Variants in CACHD1 observed in about 807,000 individuals in gnomAD.
CACHD1 encodes the protein cache domain containing 1.
CACHD1 carries 71 observed loss-of-function variants against 138.7 expected under a neutral mutation model. The observed-to-expected ratio is 0.51, with a 90% CI of 0.42 to 0.62. CACHD1 has a LOEUF of 0.62. Ranked by LOEUF, CACHD1 falls within the 20% of genes least tolerant of loss-of-function variation. CACHD1 has a pLI of 0.00. For synonymous variants in CACHD1, 578 were observed against 591.5 expected (o/e 0.98, Z 0.33); for missense variants, 1,389 against 1,625.3 (o/e 0.85, Z 2.50).
At chr1:64,647,410 T>G (rs1303160438) in intron 8 of CACHD1, among the ~76,000 whole-genome samples, 1 of 152,220 alleles carries the variant, frequency 6.6e-6, no homozygotes, top group African/African-American at 2.4e-5. Flanking sequence ...CTCTTACAGT[T>G]TCATCTACTA....
chr1:64,524,896 T>A (rs1646525249), intron 1 of CACHD1, among the ~76,000 whole-genome samples: 1 of 152,116 alleles, frequency 6.6e-6, no homozygotes, highest in Non-Finnish European at 1.5e-5. Context: ...CACTCCCATG[T>A]ATGAGAGACT....
chr1:64,685,139 A>T (rs1290230688), intron 26 of CACHD1, among the ~76,000 whole-genome samples: 1 of 152,080 alleles, frequency 6.6e-6, no homozygotes, highest in Admixed American at 6.6e-5. Context: ...AATCTTTTAT[A>T]CGGTATTTTT....
intron 1 of CACHD1, among the ~76,000 whole-genome samples, chr1:64,493,911 T>G (rs750987109): frequency 1.3e-5 from 2 of 152,194 alleles, no homozygotes; most frequent in Non-Finnish European, 2.9e-5. Context: ...AAGAATGCTT[T>G]GTGGAAGGGA....
chr1:64,477,323 T>A (rs1646179580), intron 1 of CACHD1, among the ~76,000 whole-genome samples: 1 of 152,230 alleles, frequency 6.6e-6, no homozygotes, highest in Non-Finnish European at 1.5e-5. Flanking sequence ...GTCAATCCTC[T>A]GCCCCCAGGT....
chr1:64,682,030 G>A lies in CACHD1; in HGVS notation c.3510G>A (p.Ala1170=), dbSNP rs539323878. ...GIISNTRFIA[A]VIERHAHSPE... ...TCAGCAACACTCGGTTTATAGCTGC[G>A]GTCATCGAACGACATGCACACAGTC... The change falls in exon 26 of 27, where the codon GCG becomes GCA. Residue 1170 remains alanine (A), a synonymous_variant. Transcript: ENST00000651257. 1.4e-5 allele frequency: 22 copies of A among 1,614,008 alleles called. No individual in the cohort carries two copies. The highest frequency in any genetic ancestry group is 8.0e-5 in the African/African-American group (6 of 74,986).
intron 1 of CACHD1, among the ~76,000 whole-genome samples, chr1:64,542,988 AACACAC>A (rs111903627): frequency 1.4e-4 from 21 of 147,964 alleles, no homozygotes; most frequent in African/African-American, 3.9e-4. Context: ...CACACACATC[AACACAC>A]ACACACACAC....
At chr1:64,576,352 T>C (rs1646967052) in intron 2 of CACHD1, among the ~76,000 whole-genome samples, 1 of 152,204 alleles carries the variant, frequency 6.6e-6, no homozygotes, top group Non-Finnish European at 1.5e-5. Flanking sequence ...AGGGTCTACA[T>C]TGGCCCTTCG....
At chr1:64,553,397 C>T (rs535143486) in intron 2 of CACHD1, among the ~76,000 whole-genome samples, 24 of 152,178 alleles carry the variant, frequency 1.6e-4, no homozygotes, top group South Asian at 6.2e-4. Context: ...ATGTTTACCT[C>T]GTATGTTTCC....
At chr1:64,498,303 C>T (rs1322204752) in intron 1 of CACHD1, among the ~76,000 whole-genome samples, 8 of 152,202 alleles carry the variant, frequency 5.3e-5, no homozygotes, top group Non-Finnish European at 7.3e-5. Flanking sequence ...AAATACAGTG[C>T]GTGCTCCAGC....
chr1:64,627,475 A>G lies in CACHD1; in HGVS notation c.518-1880A>G, dbSNP rs563369089. Reference sequence around the variant, plus strand: ...TGCTAATATAACAAACCTTCAGAACAGGACAGTCACTGTTCTGAGTGCCAA... The same window carrying G: ...TGCTAATATAACAAACCTTCAGAACGGGACAGTCACTGTTCTGAGTGCCAA... On this transcript the variant is annotated intron_variant, in intron 4 of 26. Coordinates refer to ENST00000651257, the MANE Select transcript of CACHD1 (RefSeq NM_020925.4). Among the ~76,000 whole-genome samples, 4 of 152,256 alleles carry G rather than the reference A, an allele frequency of 2.6e-5. No individual in the cohort carries two copies. In the East Asian group the frequency reaches 7.7e-4, roughly 29 times the overall value.
intron 1 of CACHD1, among the ~76,000 whole-genome samples, chr1:64,508,523 C>T (rs305577): frequency 0.87 from 131,796 of 152,176 alleles, 57,995 homozygotes; most frequent in East Asian, 0.97. Context: ...TTTCCGCATG[C>T]GTAAAATGGG....
chr1:64,649,530 A>G (rs1230557329), intron 9 of CACHD1, among the ~76,000 whole-genome samples: 3 of 152,212 alleles, frequency 2.0e-5, no homozygotes, highest in African/African-American at 4.8e-5. Context: ...TGTGCCAGGC[A>G]GTGATGAGTG....
intron 8 of CACHD1, among the ~76,000 whole-genome samples, chr1:64,642,506 A>G (rs1007751373): frequency 3.9e-5 from 6 of 152,200 alleles, no homozygotes; most frequent in Non-Finnish European, 8.8e-5. Context: ...ACAGTAAACA[A>G]CTTATTAAAA....
chr1:64,679,383 C>A (rs1160784361), intron 23 of CACHD1, among the ~76,000 whole-genome samples: 1 of 152,224 alleles, frequency 6.6e-6, no homozygotes, highest in East Asian at 1.9e-4. Context: ...CCTGCTCTGC[C>A]TAGCAACCAA....
chr1:64,502,531 TG>T (rs1316589400), intron 1 of CACHD1, among the ~76,000 whole-genome samples: 11 of 152,266 alleles, frequency 7.2e-5, no homozygotes, highest in African/African-American at 2.6e-4. Flanking sequence ...TCTCTCTGTG[TG>T]TGTATGTGTA....
chr1:64,691,480 C>T lies in CACHD1; in HGVS notation c.3744C>T (p.Tyr1248=). The T allele has an allele frequency of 6.2e-7, 1 of 1,614,110 alleles. No individual in the cohort carries two copies. The highest frequency in any genetic ancestry group is 8.5e-7 in the Non-Finnish European group (1 of 1,180,022). ...TACTAAGTCACAAGTTCCACCACTA[C>T]CGGTCACACCACCCTACACTTCATC... ...AALLSHKFHH[Y]RSHHPTLHHS... is the part of the protein sequence containing the mutation. Residue 1248 remains tyrosine (Y), a synonymous_variant, in exon 27 of 27, where the codon TAC becomes TAT. Coordinates refer to ENST00000651257, the MANE Select transcript of CACHD1 (RefSeq NM_020925.4).
At chr1:64,611,359 A>G (rs1225172186) in intron 4 of CACHD1, among the ~76,000 whole-genome samples, 1 of 152,198 alleles carries the variant, frequency 6.6e-6, no homozygotes, top group Non-Finnish European at 1.5e-5. Context: ...GTCATGCTGC[A>G]CATTTTCCAA....
chr1:64,580,570 C>T (rs546368657), intron 2 of CACHD1, among the ~76,000 whole-genome samples: 2 of 152,020 alleles, frequency 1.3e-5, no homozygotes, highest in African/African-American at 4.8e-5. Flanking sequence ...TTTAGAGGAC[C>T]CCTGAAAGGG....
intron 26 of CACHD1, among the ~76,000 whole-genome samples, chr1:64,690,644 A>T (rs947773828): frequency 6.6e-6 from 1 of 152,230 alleles, no homozygotes; most frequent in Admixed American, 6.5e-5. Flanking sequence ...TTCATTAGGC[A>T]CTAGAACTTT....
Sources: gnomAD v4.1 joint callset for allele counts (sites outside exome capture counted in the v4.1 genomes callset) on GRCh38, gnomAD v4.1.1 for gene constraint, MANE v1.5 for transcripts, NCBI Gene and HGNC (gene_info 2026-07-23, HGNC 2026-07-21) for gene names.